Variants in ZNF622 observed in about 807,000 individuals in gnomAD.
ZNF622 encodes zinc finger protein 622, also known as cytoplasmic 60S subunit biogenesis factor ZNF622.
In ZNF622, 34 loss-of-function variants were observed where a neutral mutation model predicts 49.7. The ratio of observed to expected loss-of-function variants is 0.68; its 90% CI spans 0.52 to 0.91. ZNF622 has a LOEUF of 0.91. Among genes scored for constraint, ZNF622 ranks in the 40% least tolerant of loss-of-function variants. The pLI, the probability that ZNF622 is intolerant of heterozygous loss-of-function variation, is 0.00. For missense variants in ZNF622, 569 were observed against 616.4 expected, an observed-to-expected ratio of 0.92 and a Z score of 0.81; for synonymous variants, 209 against 228.7, an observed-to-expected ratio of 0.91 and a Z score of 0.78.
intron 4 of ZNF622, among the ~76,000 whole-genome samples, chr5:16,455,432 A>G (rs1738010768): frequency 6.6e-6 from 1 of 152,248 alleles, no homozygotes; most frequent in African/African-American, 2.4e-5. Context: ...TTGTTTTATC[A>G]TCATACTCAA....
chr5:16,463,222 C>G lies in ZNF622; in HGVS notation c.935G>C (p.Gly312Ala). Residue 312 changes from glycine to alanine, a missense_variant, in exon 3 of 6, where the codon GGG becomes GCG. By Grantham distance (60) the Gly-to-Ala change is moderately conservative. Transcript: ENST00000308683. The surrounding 1 kb of genome is among the most constrained non-coding windows in gnomAD (Gnocchi z 4.2). The part of the protein sequence containing the change: ...GKICLWCNEK[G>A]KSFYSTEAVQ... The stretch of plus-strand genomic sequence containing the variant: ...AGCTTCTGTGGAGTAGAAGGACTTC[C>G]CTTTCTCGTTGCACCACAAGCAAAT... 1 of 1,612,788 alleles carries G rather than the reference C, an allele frequency of 6.2e-7. No homozygotes were observed. The highest frequency in any genetic ancestry group is 8.5e-7 in the Non-Finnish European group (1 of 1,179,762).
chr5:16,464,569 T>C (rs913191506), intron 1 of ZNF622, among the ~76,000 whole-genome samples: 5 of 152,304 alleles, frequency 3.3e-5, no homozygotes, highest in African/African-American at 1.2e-4. Context: ...AAATAGCTCA[T>C]AAAGGCAAAG....
chr5:16,462,032 G>A (rs56719397), intron 3 of ZNF622, among the ~76,000 whole-genome samples: 7,870 of 152,184 alleles, frequency 0.052, 639 homozygotes, highest in African/African-American at 0.18. Flanking sequence ...GGAAACTTGA[G>A]AGGGATAAAT....
At chr5:16,454,864 C>T (rs1481766889) in intron 4 of ZNF622, among the ~76,000 whole-genome samples, 1 of 152,166 alleles carries the variant, frequency 6.6e-6, no homozygotes, top group Non-Finnish European at 1.5e-5. Context: ...TGTCCCAACC[C>T]ATGTGTCATA....
rs1206821106 is a variant in ZNF622 at position 16,465,467 on chromosome 5, T to C, written c.199A>G (p.Thr67Ala). Reference protein sequence around the residue: ...VAEEESKGSATYCTVCSKKFA... With the variant: ...VAEEESKGSAAYCTVCSKKFA... ...TTCTTACTGCAAACGGTGCAGTAGG[T>C]GGCCGAGCCCTTGCTCTCCTCCTCC... The change falls in exon 1 of 6, where the codon ACC becomes GCC. Residue 67 changes from threonine (T) to alanine (A), a missense_variant. By Grantham distance (58) the Thr-to-Ala change is moderately conservative (BLOSUM62 0). Transcript: ENST00000308683. This position sits in a 1 kb window ranked among gnomAD's most constrained non-coding sequence, Gnocchi z 6.2. 2.8e-5 allele frequency: 45 copies of C among 1,614,116 alleles called. No individual in the cohort carries two copies. In the East Asian group the frequency reaches 6.5e-4, roughly 23 times the overall value.
rs150937006 is a variant in ZNF622 at position 16,457,841 on chromosome 5, G to A, written c.1162+676C>T. ...ATGAAGATGCTGGAATCTAACTCAC[G>A]TTGGCCTATAAAGACAAATACATCT... On this transcript the variant is annotated intron_variant, in intron 4 of 5. Transcript: ENST00000308683. Among the ~76,000 whole-genome samples the A allele has an allele frequency of 1.8e-4, 28 of 152,310 alleles. No individual in the cohort carries two copies. The East Asian group carries it at 4.2e-3, about 23-fold the overall frequency.
At chr5:16,452,761 G>A (rs532759404) in intron 5 of ZNF622, among the ~76,000 whole-genome samples, 1 of 152,242 alleles carries the variant, frequency 6.6e-6, no homozygotes, top group South Asian at 2.1e-4. Flanking sequence ...AATTCTTTTT[G>A]TAACTATTAT....
intron 4 of ZNF622, among the ~76,000 whole-genome samples, chr5:16,453,776 T>C (rs911209815): frequency 6.6e-6 from 1 of 151,842 alleles, no homozygotes; most frequent in Non-Finnish European, 1.5e-5. Context: ...ACATTTTTGG[T>C]TGTTACAGCT....
At chr5:16,458,077 C>A (rs546710823) in intron 4 of ZNF622, among the ~76,000 whole-genome samples, 8 of 152,118 alleles carry the variant, frequency 5.3e-5, no homozygotes, top group African/African-American at 1.7e-4. Context: ...CTCATGGTGG[C>A]TAAATTTCCA....
chr5:16,453,259 G>C (rs1561067623), intron 4 of ZNF622, 103 bp from the exon 5 acceptor site: 1 of 1,182,558 alleles, frequency 8.5e-7, no homozygotes, highest in East Asian at 2.8e-5. Context: ...AGTATATCTA[G>C]ATGGAAAATC....
intron 4 of ZNF622, among the ~76,000 whole-genome samples, chr5:16,457,283 G>C (rs1738042132): frequency 6.6e-6 from 1 of 152,128 alleles, no homozygotes. Flanking sequence ...TAAGGTCTAT[G>C]GTTATCTGAT....
In ZNF622 at chr5:16,463,299, GAA is replaced by G; in HGVS notation, c.887-31_887-30del. The G allele has an allele frequency of 6.3e-7, 1 of 1,576,938 alleles. No individual in the cohort carries two copies. The highest frequency in any genetic ancestry group is 8.6e-7 in the Non-Finnish European group (1 of 1,166,708). On this transcript the variant is annotated intron_variant, in intron 2 of 5. Transcript: ENST00000308683. This position sits in a 1 kb window ranked among gnomAD's most constrained non-coding sequence, Gnocchi z 4.2. ...GAAAAATAATTTAAGGAAAAAATAT[GAA>G]AAAAGCTTTTTGCAACCAGATTAAA...
chr5:16,453,830 TATTAAAC>T (rs1737978156), intron 4 of ZNF622, among the ~76,000 whole-genome samples: 1 of 151,962 alleles, frequency 6.6e-6, no homozygotes, highest in African/African-American at 2.4e-5. Flanking sequence ...CCAGAGATGC[TATTAAAC>T]ATCTTTACAT....
Position 16,463,280 on chromosome 5 carries a change from T to A in ZNF622, c.887-10A>T. 6.3e-7 allele frequency: 1 copy of A among 1,583,090 alleles called. No individual in the cohort carries two copies. Among genetic ancestry groups the A allele is most frequent in the Non-Finnish European group, 8.5e-7 (1 of 1,170,706 alleles). ...ACACCAACTTTCTCTCCTAGAAAAA[T>A]AATTTAAGGAAAAAATATGAAAAAA... On this transcript the variant is annotated splice_polypyrimidine_tract_variant and intron_variant, in intron 2 of 5. Coordinates refer to ENST00000308683, the MANE Select transcript of ZNF622 (RefSeq NM_033414.3). The surrounding 1 kb of genome is among the most constrained non-coding windows in gnomAD (Gnocchi z 4.2).
chr5:16,454,793 C>G (rs150060712), intron 4 of ZNF622, among the ~76,000 whole-genome samples: 1 of 152,322 alleles, frequency 6.6e-6, no homozygotes, highest in East Asian at 1.9e-4. Flanking sequence ...TGGGAAGCTG[C>G]TGCAGAGACA....
intron 4 of ZNF622, among the ~76,000 whole-genome samples, chr5:16,454,654 T>A (rs921918048): frequency 6.6e-6 from 1 of 152,134 alleles, no homozygotes; most frequent in African/African-American, 2.4e-5. Context: ...AATCTAGGGG[T>A]GGCAAACTAC....
At chr5:16,453,208 G>C (rs1737962784) in intron 4 of ZNF622, 52 bp from the exon 5 acceptor site, 1 of 1,370,412 alleles carries the variant, frequency 7.3e-7, no homozygotes, top group African/African-American at 1.5e-5. Flanking sequence ...GTTTTTTCAA[G>C]GCAGAGCTAT....
chr5:16,454,385 G>A (rs1054493563), intron 4 of ZNF622, among the ~76,000 whole-genome samples: 1 of 150,802 alleles, frequency 6.6e-6, no homozygotes, highest in African/African-American at 2.4e-5. Context: ...CTACTCGGGA[G>A]GCTGAGGCAG....
intron 5 of ZNF622, among the ~76,000 whole-genome samples, chr5:16,452,367 A>G (rs1446637328): frequency 6.6e-6 from 1 of 152,212 alleles, no homozygotes; most frequent in Admixed American, 6.5e-5. Context: ...AGATGTAAAG[A>G]GTACCATACT....
Sources: gnomAD v4.1 joint callset for allele counts (sites outside exome capture counted in the v4.1 genomes callset) on GRCh38, gnomAD v4.1.1 for gene constraint, Gnocchi (gnomAD v3.1) non-coding constraint, MANE v1.5 for transcripts, NCBI Gene and HGNC (gene_info 2026-07-23, HGNC 2026-07-21) for gene names.